The following SGCZ variants were observed in gnomAD, a reference collection of about 807,000 sequenced individuals.
SGCZ encodes sarcoglycan zeta, also known as zeta-sarcoglycan.
SGCZ carries 40 observed loss-of-function variants against 41.3 expected under a neutral mutation model. The ratio of observed to expected loss-of-function variants is 0.97; its 90% confidence interval spans 0.75 to 1.26. The LOEUF is 1.26. Among genes scored for constraint, SGCZ ranks in the 50% most tolerant of loss-of-function variants. The pLI is 0.00. For missense variants in SGCZ, 552 were observed against 369.8 expected (o/e 1.49, Z -4.04); for synonymous variants, 206 against 137.5 (o/e 1.50, Z -3.49).
At chr8:14,517,045 T>A (rs13273898) in intron 2 of SGCZ, among the ~76,000 whole-genome samples, 23,662 of 151,746 alleles carry the variant, frequency 0.16, 2,072 homozygotes, top group Admixed American at 0.21. Context: ...TCTCCCCCTA[T>A]GACTCGTAAA....
At chr8:14,874,108 A>G (rs1025352508) in intron 1 of SGCZ, among the ~76,000 whole-genome samples, 2 of 152,166 alleles carry the variant, frequency 1.3e-5, no homozygotes, top group African/African-American at 4.8e-5. Context: ...TTATACTTTA[A>G]TTGAAACTGC....
At chr8:14,366,269 T>C (rs1435147809) in intron 2 of SGCZ, among the ~76,000 whole-genome samples, 2 of 152,022 alleles carry the variant, frequency 1.3e-5, no homozygotes, top group African/African-American at 4.8e-5. Context: ...CTCAGGAAAC[T>C]TACAATCAGA....
At chr8:15,232,203 A>G (rs770585703) in intron 1 of SGCZ, among the ~76,000 whole-genome samples, 7 of 152,246 alleles carry the variant, frequency 4.6e-5, no homozygotes, top group Non-Finnish European at 8.8e-5. Flanking sequence ...AGACAGCATA[A>G]GAAACAGCGC....
In SGCZ at chr8:15,177,663, T is replaced by C. The variant is rs936842830; in HGVS notation, c.39+59922A>G. On this transcript the variant is annotated intron_variant, in intron 1 of 7. Transcript: ENST00000382080. ...CAAAGCAAGATAAAGATCTAAAATG[T>C]ATAATGGGCAATCTGTAGTGATCTA... Among the ~76,000 whole-genome samples the C allele has an allele frequency of 3.9e-5, 6 of 152,174 alleles. No individual in the cohort carries two copies. In the East Asian group the frequency reaches 5.8e-4, roughly 15 times the overall value.
chr8:14,410,136 G>C (rs1320045981), intron 2 of SGCZ, among the ~76,000 whole-genome samples: 1 of 152,076 alleles, frequency 6.6e-6, no homozygotes, highest in East Asian at 1.9e-4. Context: ...GCGCATGCTA[G>C]GGATCTAGAT....
intron 1 of SGCZ, among the ~76,000 whole-genome samples, chr8:15,034,596 G>A (rs1803802802): frequency 6.6e-6 from 1 of 152,112 alleles, no homozygotes; most frequent in South Asian, 2.1e-4. Flanking sequence ...TAAATATCCA[G>A]GTACAGAAAG....
chr8:14,490,906 T>C (rs1287163517), intron 2 of SGCZ, among the ~76,000 whole-genome samples: 1 of 152,198 alleles, frequency 6.6e-6, no homozygotes, highest in Admixed American at 6.5e-5. Context: ...GGAGCTAAAA[T>C]CTTAAGTGCT....
At chr8:14,151,132 C>A (rs1803695989) in intron 5 of SGCZ, among the ~76,000 whole-genome samples, 1 of 151,902 alleles carries the variant, frequency 6.6e-6, no homozygotes, top group Non-Finnish European at 1.5e-5. Context: ...TGACTATAGT[C>A]AATAATAACT....
intron 1 of SGCZ, among the ~76,000 whole-genome samples, chr8:14,588,656 C>T (rs1212626561): frequency 6.6e-6 from 1 of 151,966 alleles, no homozygotes; most frequent in Non-Finnish European, 1.5e-5. Context: ...GAAATAAAAA[C>T]GTTAGGAAGG....
chr8:14,877,990 C>G (rs1048336982), intron 1 of SGCZ, among the ~76,000 whole-genome samples: 1 of 151,724 alleles, frequency 6.6e-6, no homozygotes, highest in African/African-American at 2.4e-5. Context: ...TCCTTTTAAA[C>G]AAATCTCTAA....
chr8:14,208,960 C>A (rs540154668), intron 4 of SGCZ, among the ~76,000 whole-genome samples: 6 of 152,106 alleles, frequency 3.9e-5, no homozygotes, highest in Non-Finnish European at 8.8e-5. Context: ...TAAAATCAAG[C>A]TGCAGACATG....
rs762080170 is a variant in SGCZ at position 14,090,506 on chromosome 8, G to T, written c.876C>A (p.Tyr292Ter). 1.9e-6 allele frequency: 3 copies of T among 1,612,948 alleles called. No homozygotes were observed. Among genetic ancestry groups the T allele is most frequent in the Non-Finnish European group, 2.5e-6 (3 of 1,179,408 alleles). Reference protein sequence around the residue: ...ELCVCPNGKLYLSPAGVGSTC... With the variant: ...ELCVCPNGKL ...TGGAACCTACTCCTGCTGGAGAAAG[G>T]TAAAGTTTGCCATTGGGGCAGACGC... Residue 292 changes from tyrosine to a stop codon, truncating the protein, a stop_gained, in exon 8 of 8, where the codon TAC (tyrosine) becomes TAA (stop). Coordinates refer to ENST00000382080, the MANE Select transcript of SGCZ (RefSeq NM_139167.4). LOFTEE classifies it high-confidence loss of function.
At chr8:14,822,557 C>T (rs1163921178) in intron 1 of SGCZ, among the ~76,000 whole-genome samples, 2 of 152,110 alleles carry the variant, frequency 1.3e-5, no homozygotes, top group African/African-American at 4.8e-5. Flanking sequence ...CTAAAAATAT[C>T]ACACCACTTA....
intron 1 of SGCZ, among the ~76,000 whole-genome samples, chr8:15,029,128 C>G (rs964589471): frequency 6.6e-6 from 1 of 151,930 alleles, no homozygotes; most frequent in Non-Finnish European, 1.5e-5. Context: ...TAGCTAGATA[C>G]GCTATATATA....
intron 2 of SGCZ, among the ~76,000 whole-genome samples, chr8:14,401,238 C>G (rs1392263545): frequency 6.6e-6 from 1 of 152,056 alleles, no homozygotes. Flanking sequence ...ATAATCAATA[C>G]TTAACTCAAA....
At chr8:14,800,174 A>G (rs932690510) in intron 1 of SGCZ, among the ~76,000 whole-genome samples, 1 of 152,044 alleles carries the variant, frequency 6.6e-6, no homozygotes, top group African/African-American at 2.4e-5. Flanking sequence ...TTCATGGCAC[A>G]CTATAAATGT....
At chr8:14,453,034 C>T (rs1800639912) in intron 2 of SGCZ, among the ~76,000 whole-genome samples, 1 of 152,040 alleles carries the variant, frequency 6.6e-6, no homozygotes, top group African/African-American at 2.4e-5. Context: ...ACCCAGGAGG[C>T]AGAGGCTGCA....
intron 1 of SGCZ, among the ~76,000 whole-genome samples, chr8:14,577,503 C>T (rs62498437): frequency 0.14 from 20,496 of 149,398 alleles, 1,714 homozygotes; most frequent in East Asian, 0.31. Context: ...ATTCTCCTGT[C>T]TCAGCCTCCG....
intron 2 of SGCZ, among the ~76,000 whole-genome samples, chr8:14,360,622 G>A (rs1397029867): frequency 6.7e-6 from 1 of 149,310 alleles, no homozygotes; most frequent in East Asian, 1.9e-4. Context: ...CACCGCGCCT[G>A]GCTGTTTATT....
Sources: allele counts gnomAD v4.1 joint callset (sites outside exome capture counted in the v4.1 genomes callset), GRCh38; gene constraint gnomAD v4.1.1; transcripts MANE v1.5; gene names NCBI Gene and HGNC (gene_info 2026-07-23, HGNC 2026-07-21).